The following SERBP1 variants were observed in gnomAD, a reference collection of about 807,000 sequenced individuals.
SERBP1 encodes the protein SERPINE1 mRNA-binding protein 1.
SERBP1 carries 6 observed loss-of-function variants against 50.2 expected under a neutral mutation model. The observed-to-expected ratio is 0.12, with a 90% confidence interval of 0.07 to 0.24. The LOEUF (loss-of-function observed/expected upper bound fraction) is 0.24. Ranked by LOEUF, SERBP1 falls within the 10% of genes least tolerant of loss-of-function variation. SERBP1 has a pLI of 1.00. For synonymous variants in SERBP1, 168 were observed against 182.8 expected (o/e 0.92, Z 0.65); for missense variants, 346 against 524.9 (o/e 0.66, Z 3.33).
At chr1:67,429,556 G>C (rs1171004851) in intron 1 of SERBP1, 1 of 158,516 alleles carries the variant, frequency 6.3e-6, no homozygotes, top group African/African-American at 2.4e-5. Context: ...CACCTCAAAG[G>C]AGCAGCTCTG....
In SERBP1 at chr1:67,409,430, C is replaced by CACACACACACACACACACACACACACA. The variant is rs1264200348; in HGVS notation, c.*3776_*3777insTGTGTGTGTGTGTGTGTGTGTGTGTGT. 2.7e-5 allele frequency: 4 copies of CACACACACACACACACACACACACACA among 148,350 alleles called. No individual in the cohort carries two copies. Among genetic ancestry groups the CACACACACACACACACACACACACACA allele is most frequent in the African/African-American group, 1.0e-4 (4 of 38,946 alleles). The allele number at this position is 148,350 out of a possible 1,614,324, so 9.2% of individuals were successfully genotyped here. A position where few individuals can be genotyped will look rare whatever the true frequency, so the allele number is the denominator to read the frequency against. Reference sequence around the variant, plus strand: ...ACACACACACACACACCCCCACACACACCAGGTCACAGGCTGAACTTTGCT... The same window carrying CACACACACACACACACACACACACACA: ...ACACACACACACACACCCCCACACACACACACACACACACACACACACACACAACCAGGTCACAGGCTGAACTTTGCT... On this transcript the variant is annotated 3_prime_UTR_variant, in exon 8 of 8. Transcript: ENST00000361219.
intron 6 of SERBP1, among the ~76,000 whole-genome samples, chr1:67,416,655 A>G (rs1667021244): frequency 6.6e-6 from 1 of 152,176 alleles, no homozygotes; most frequent in African/African-American, 2.4e-5. Context: ...GTTAATAACT[A>G]GCCTTTAAAG....
intron 5 of SERBP1, among the ~76,000 whole-genome samples, chr1:67,421,554 G>A (rs555251053): frequency 1.6e-4 from 24 of 152,216 alleles, no homozygotes; most frequent in African/African-American, 5.8e-4. Flanking sequence ...TTCGCTCCTG[G>A]GCACTGAGCT....
In SERBP1 at chr1:67,408,703, T is replaced by C. The variant is rs1313832316; in HGVS notation, c.*4504A>G. On this transcript the variant is annotated 3_prime_UTR_variant, in exon 8 of 8. Coordinates refer to ENST00000361219, the MANE Select transcript of SERBP1 (RefSeq NM_001018069.2). ...AACCTCTTTGCACAACGCAAAGGAC[T>C]TACACAAAGGGATCTGAGTCACTAA... The C allele has an allele frequency of 6.6e-6, 1 of 152,146 alleles. No homozygotes were observed. Among genetic ancestry groups the C allele is most frequent in the Non-Finnish European group, 1.5e-5 (1 of 68,018 alleles). 9.4% of individuals were successfully genotyped at this position (152,146 alleles called of 1,614,324 possible). A position where few individuals can be genotyped will look rare whatever the true frequency, so the allele number is the denominator to read the frequency against.
At chr1:67,429,788 CG>C (rs1667508803) in intron 1 of SERBP1, 199 bp downstream of exon 1, 2 of 572,948 alleles carry the variant, frequency 3.5e-6, no homozygotes, top group East Asian at 6.5e-5. Flanking sequence ...CCGAGAACCT[CG>C]CCGGCGGTGG....
intron 1 of SERBP1, chr1:67,429,675 G>C: frequency 3.8e-6 from 1 of 265,216 alleles, no homozygotes; most frequent in Non-Finnish European, 7.1e-6. Flanking sequence ...CAAGGAATCC[G>C]GCGGGAAGGC....
chr1:67,419,401 C>A (rs1570290108), intron 6 of SERBP1, among the ~76,000 whole-genome samples: 1 of 152,200 alleles, frequency 6.6e-6, no homozygotes, highest in Non-Finnish European at 1.5e-5. Context: ...GGTCAGTGCC[C>A]CTAGCATCCT....
In SERBP1 at chr1:67,424,193, C is replaced by T. The variant is rs948373419; in HGVS notation, c.773+7G>A. The T allele has an allele frequency of 6.2e-7, 1 of 1,607,058 alleles. No homozygotes were observed. The highest frequency in any genetic ancestry group is 1.3e-5 in the African/African-American group (1 of 74,658). The stretch of plus-strand genomic sequence containing the variant: ...GGGTCATTACTATTACACGCAATAC[C>T]ACTTACTTATTTTCAGTGTCTGCCA... On this transcript the variant is annotated splice_region_variant and intron_variant, in intron 5 of 7. Coordinates refer to ENST00000361219, the MANE Select transcript of SERBP1 (RefSeq NM_001018069.2).
chr1:67,418,369 A>G (rs1408988593), intron 6 of SERBP1, among the ~76,000 whole-genome samples: 1 of 152,166 alleles, frequency 6.6e-6, no homozygotes, highest in Non-Finnish European at 1.5e-5. Context: ...GTTAAAAATC[A>G]TCTCTAAACC....
Position 67,430,255 on chromosome 1 carries a change from G to T in SERBP1, c.46C>A (p.Arg16=). Residue 16 remains arginine, a synonymous_variant, in exon 1 of 8, where the codon CGA becomes AGA. Transcript: ENST00000361219. ...QEGFGCVVTN[R]FDQLFDDESD... ...TCGTCGTCAAATAACTGGTCGAATCGGTTGGTGACCACGCAGCCGAAGCCT... is the reference window on the plus strand; with the variant it reads ...TCGTCGTCAAATAACTGGTCGAATCTGTTGGTGACCACGCAGCCGAAGCCT... 1.9e-6 allele frequency: 3 copies of T among 1,573,092 alleles called. No individual in the cohort carries two copies. The Middle Eastern group carries it at 6.1e-4, about 318-fold the overall frequency.
At chr1:67,429,726 C>T (rs996655394) in intron 1 of SERBP1, 1 of 389,942 alleles carries the variant, frequency 2.6e-6, no homozygotes, top group Non-Finnish European at 4.6e-6. Flanking sequence ...AGGAGCAGCT[C>T]ATCTCCGACC....
Position 67,426,184 on chromosome 1 carries a change from C to T in SERBP1, c.415G>A (p.Glu139Lys), listed in dbSNP as rs1383791756. ...ERRPPRERRFEKPLEEKGEGG... is the reference protein window; with the variant it reads ...ERRPPRERRFKKPLEEKGEGG... ...TCACCCTTTTCTTCAAGTGGCTTTT[C>T]GAATCTTCGTTCACGAGGTGGTCGC... is the stretch of plus-strand genomic sequence containing the variant. The change falls in exon 2 of 8, where the codon GAA becomes AAA. Residue 139 changes from glutamate (E) to lysine (K), a missense_variant. Coordinates refer to ENST00000361219, the MANE Select transcript of SERBP1 (RefSeq NM_001018069.2). 4 of 1,608,610 alleles carry T rather than the reference C, an allele frequency of 2.5e-6. No individual in the cohort carries two copies. Among genetic ancestry groups the T allele is most frequent in the Non-Finnish European group, 3.4e-6 (4 of 1,178,074 alleles).
intron 1 of SERBP1, among the ~76,000 whole-genome samples, chr1:67,428,981 CTCTT>C (rs1055835914): frequency 6.6e-6 from 1 of 152,152 alleles, no homozygotes; most frequent in Non-Finnish European, 1.5e-5. Flanking sequence ...AAACTGCTTG[CTCTT>C]TTTTTTCATC....
intron 1 of SERBP1, among the ~76,000 whole-genome samples, chr1:67,426,881 G>A (rs1204647894): frequency 1.3e-5 from 2 of 152,046 alleles, no homozygotes; most frequent in African/African-American, 4.8e-5. Flanking sequence ...ATGGCATTTA[G>A]GATTATTAGA....
intron 6 of SERBP1, among the ~76,000 whole-genome samples, chr1:67,418,221 C>T (rs991907217): frequency 3.3e-5 from 5 of 151,664 alleles, no homozygotes; most frequent in South Asian, 2.1e-4. Context: ...GTGATCCGCC[C>T]GCCTCAGTCT....
chr1:67,428,366 G>T (rs1667455810), intron 1 of SERBP1, among the ~76,000 whole-genome samples: 2 of 152,192 alleles, frequency 1.3e-5, no homozygotes, highest in African/African-American at 2.4e-5. Context: ...TGGGCTTCAT[G>T]ATCAAAATAA....
intron 5 of SERBP1, among the ~76,000 whole-genome samples, chr1:67,423,296 C>T (rs1667262639): frequency 6.8e-6 from 1 of 146,234 alleles, no homozygotes; most frequent in Non-Finnish European, 1.5e-5. Context: ...AACTCCATCT[C>T]ACACACACAA....
chr1:67,423,670 A>G (rs888911494), intron 5 of SERBP1, among the ~76,000 whole-genome samples: 2 of 152,146 alleles, frequency 1.3e-5, no homozygotes, highest in African/African-American at 4.8e-5. Context: ...CTCTTCATAC[A>G]TTTAAAAACA....
At chr1:67,426,048 G>A in intron 2 of SERBP1, 87 bp downstream of exon 2, 1 of 1,114,774 alleles carries the variant, frequency 9.0e-7, no homozygotes, top group East Asian at 2.5e-5. Context: ...CCAGGAAGCA[G>A]AGGCTGCAGT....
Sources: allele counts gnomAD v4.1 joint callset (sites outside exome capture counted in the v4.1 genomes callset), GRCh38; gene constraint gnomAD v4.1.1; transcripts MANE v1.5; gene names NCBI Gene and HGNC (gene_info 2026-07-23, HGNC 2026-07-21).